The following VPS26A variants were observed in gnomAD, a reference collection of about 807,000 sequenced individuals.
VPS26A encodes VPS26 retromer complex component A, also known as vacuolar protein sorting-associated protein 26A.
A neutral mutation model predicts 42.4 loss-of-function variants in VPS26A; 22 were observed. That is an observed-to-expected ratio of 0.52 (90% confidence interval 0.37 to 0.74). The LOEUF (loss-of-function observed/expected upper bound fraction) is 0.74, where lower values mean the gene tolerates loss of function less well. VPS26A is among the 30% of genes least tolerant of loss of function. The pLI is 0.00. For missense variants in VPS26A, 276 were observed against 379.2 expected (o/e 0.73, Z 2.26); for synonymous variants, 110 against 123.5 (o/e 0.89, Z 0.73).
intron 2 of VPS26A, among the ~76,000 whole-genome samples, chr10:69,137,819 G>C (rs1388584057): frequency 6.6e-6 from 1 of 150,426 alleles, no homozygotes; most frequent in Admixed American, 6.6e-5. Context: ...CTTATGAAAG[G>C]ACATGGGGGC....
At chr10:69,131,001 C>T (rs6480384) in intron 1 of VPS26A, among the ~76,000 whole-genome samples, 114,274 of 151,592 alleles carry the variant, frequency 0.75, 45,090 homozygotes, top group Non-Finnish European at 0.89. Flanking sequence ...CATTTTTTTT[C>T]TGGAGACAAA....
At chr10:69,142,584 A>G (rs1589351010) in intron 2 of VPS26A, among the ~76,000 whole-genome samples, 1 of 152,176 alleles carries the variant, frequency 6.6e-6, no homozygotes, top group South Asian at 2.1e-4. Flanking sequence ...ATAACCTCAG[A>G]AAGACTATCT....
intron 2 of VPS26A, among the ~76,000 whole-genome samples, chr10:69,144,101 T>C (rs1362250425): frequency 2.0e-5 from 3 of 152,150 alleles, no homozygotes; most frequent in Non-Finnish European, 2.9e-5. Context: ...ACTCAAGAGC[T>C]CTTTTAAGAG....
intron 2 of VPS26A, among the ~76,000 whole-genome samples, chr10:69,135,651 A>G (rs1196953187): frequency 3.3e-5 from 5 of 152,206 alleles, no homozygotes. Context: ...CTGATCAACT[A>G]TGGATAGCAT....
At chr10:69,166,239 G>T in intron 7 of VPS26A, 129 bp downstream of exon 7, 1 of 816,074 alleles carries the variant, frequency 1.2e-6, no homozygotes. Context: ...TAGCTTTTAA[G>T]GTCATCTTTG....
intron 1 of VPS26A, among the ~76,000 whole-genome samples, chr10:69,131,523 A>G (rs1055451837): frequency 6.6e-6 from 1 of 152,216 alleles, no homozygotes; most frequent in Non-Finnish European, 1.5e-5. Flanking sequence ...TCACGAGGTC[A>G]GGAGATCGAG....
intron 2 of VPS26A, among the ~76,000 whole-genome samples, chr10:69,154,110 A>G (rs1841378262): frequency 6.6e-6 from 1 of 152,228 alleles, no homozygotes; most frequent in Non-Finnish European, 1.5e-5. Context: ...AGCAATGTGA[A>G]GTTGTATCCT....
chr10:69,146,311 T>C (rs1446827511), intron 2 of VPS26A, among the ~76,000 whole-genome samples: 1 of 152,166 alleles, frequency 6.6e-6, no homozygotes, highest in Non-Finnish European at 1.5e-5. Context: ...GGTCTCAAAC[T>C]TCTGACCTTA....
At chr10:69,129,254 T>C (rs769782618) in intron 1 of VPS26A, among the ~76,000 whole-genome samples, 10 of 152,142 alleles carry the variant, frequency 6.6e-5, no homozygotes, top group Non-Finnish European at 1.3e-4. Context: ...TCAGCACATA[T>C]TCGATTAGTA....
intron 1 of VPS26A, 43 bp from the exon 2 acceptor site, chr10:69,132,855 C>T (rs1840816206): frequency 6.5e-6 from 10 of 1,529,462 alleles, no homozygotes; most frequent in Non-Finnish European, 8.8e-6. Context: ...AATGTAGTGA[C>T]TGACTAAACA....
intron 2 of VPS26A, among the ~76,000 whole-genome samples, chr10:69,149,081 G>GTT (rs554603137): frequency 0.042 from 6,278 of 150,190 alleles, 453 homozygotes; most frequent in African/African-American, 0.14. Context: ...ATGTAGATCT[G>GTT]TTTTTTTTTA....
intron 2 of VPS26A, among the ~76,000 whole-genome samples, chr10:69,149,044 C>T (rs112875174): frequency 0.042 from 6,339 of 152,180 alleles, 465 homozygotes; most frequent in African/African-American, 0.14. Flanking sequence ...GTGTGAGCCA[C>T]CGCGCCCAGC....
chr10:69,142,482 C>T (rs979790227), intron 2 of VPS26A, among the ~76,000 whole-genome samples: 2 of 152,002 alleles, frequency 1.3e-5, no homozygotes, highest in Non-Finnish European at 2.9e-5. Context: ...GCATGAGCCA[C>T]TGTGCCTGGC....
At position 69,143,896 on chromosome 10, in the gene VPS26A, T is replaced by G. The variant is rs540200660; in HGVS notation, c.153+10849T>G. On this transcript the variant is annotated intron_variant, in intron 2 of 8. Coordinates refer to ENST00000263559, the MANE Select transcript of VPS26A (RefSeq NM_004896.5). The stretch of plus-strand genomic sequence containing the variant: ...CATGCTCAGCTAATATTTTACTATT[T>G]TTGTAGAGTTGGGGTCTCCCCATGT... Among the ~76,000 whole-genome samples the G allele has an allele frequency of 2.4e-4, 37 of 152,232 alleles. 2 individuals are homozygous for G. The highest frequency in any genetic ancestry group is 8.4e-4 in the African/African-American group (35 of 41,542).
chr10:69,124,830 TAAAAG>T (rs1840614906), intron 1 of VPS26A, among the ~76,000 whole-genome samples: 1 of 152,060 alleles, frequency 6.6e-6, no homozygotes, highest in South Asian at 2.1e-4. Flanking sequence ...GAGAGAAAAA[TAAAAG>T]GACGTTGGAA....
At chr10:69,124,510 A>G (rs1053590715) in intron 1 of VPS26A, among the ~76,000 whole-genome samples, 3 of 152,266 alleles carry the variant, frequency 2.0e-5, no homozygotes, top group Admixed American at 6.5e-5. Flanking sequence ...TCTCCTGGCC[A>G]TGTCGGAGCC....
chr10:69,133,422 G>A, intron 2 of VPS26A: 1 of 542,474 alleles, frequency 1.8e-6, no homozygotes, highest in South Asian at 2.5e-5. Context: ...TTAACATTAA[G>A]TTAGAGATTG....
At chr10:69,142,364 ATTT>A (rs58499005) in intron 2 of VPS26A, among the ~76,000 whole-genome samples, 3 of 148,150 alleles carry the variant, frequency 2.0e-5, no homozygotes, top group Non-Finnish European at 4.5e-5. Flanking sequence ...AATTAAAAAA[ATTT>A]TTTTTTTTTA....
At chr10:69,157,261 G>T in intron 4 of VPS26A, 98 bp downstream of exon 4, 1 of 1,420,854 alleles carries the variant, frequency 7.0e-7, no homozygotes, top group Non-Finnish European at 9.4e-7. Flanking sequence ...ATTCTGTATT[G>T]GAAGATTTAA....
Sources: gnomAD v4.1 joint callset for allele counts (sites outside exome capture counted in the v4.1 genomes callset) on GRCh38, gnomAD v4.1.1 for gene constraint, MANE v1.5 for transcripts, NCBI Gene and HGNC (gene_info 2026-07-23, HGNC 2026-07-21) for gene names.